NCKAP5: variants seen among roughly 807,000 people sequenced by gnomAD.
NCKAP5 encodes nck-associated protein 5.
In NCKAP5, 92 loss-of-function variants were observed where a neutral mutation model predicts 167.0. The observed-to-expected ratio is 0.55, with a 90% CI of 0.47 to 0.66. The LOEUF (loss-of-function observed/expected upper bound fraction) is 0.66. NCKAP5 is among the 30% of genes least tolerant of loss of function. The probability of loss-of-function intolerance (pLI) is 0.00; values close to 1 mark genes in which losing one functional copy is unlikely to be tolerated. For synonymous variants in NCKAP5, 891 were observed against 877.4 expected (o/e 1.02, Z -0.27); for missense variants, 2,378 against 2,315.0 (o/e 1.03, Z -0.56).
intron 4 of NCKAP5, among the ~76,000 whole-genome samples, chr2:133,250,621 T>C (rs761130917): frequency 7.2e-5 from 11 of 152,190 alleles, no homozygotes; most frequent in South Asian, 2.1e-4. Flanking sequence ...AAACAGGTTC[T>C]CTCGCAATTT....
intron 6 of NCKAP5, among the ~76,000 whole-genome samples, chr2:133,009,576 C>T (rs565408285): frequency 6.6e-6 from 1 of 152,134 alleles, no homozygotes; most frequent in South Asian, 2.1e-4. Flanking sequence ...TTCATGTATC[C>T]CCTCATCCAT....
chr2:133,520,885 A>G (rs529567992), intron 2 of NCKAP5, among the ~76,000 whole-genome samples: 3 of 152,346 alleles, frequency 2.0e-5, no homozygotes. Context: ...AATGGCAACA[A>G]GCGGTACAGT....
chr2:133,063,424 T>A (rs904508369), intron 6 of NCKAP5, among the ~76,000 whole-genome samples: 1 of 152,194 alleles, frequency 6.6e-6, no homozygotes. Context: ...CGAATCCATC[T>A]GCAGCTTCTC....
chr2:132,677,288 T>A (rs1370964370), intron 19 of NCKAP5, among the ~76,000 whole-genome samples: 2 of 152,294 alleles, frequency 1.3e-5, no homozygotes, highest in Non-Finnish European at 2.9e-5. Context: ...CAAGCTTAAA[T>A]AAATAGCTTT....
At chr2:132,995,726 A>C (rs2077577669) in intron 6 of NCKAP5, among the ~76,000 whole-genome samples, 1 of 151,226 alleles carries the variant, frequency 6.6e-6, no homozygotes, top group Admixed American at 6.6e-5. Flanking sequence ...TATAATCCCA[A>C]CATTTTGGGA....
rs1681300775 is a variant in NCKAP5, at chr2:132,764,714, C to T, written c.5128+9102G>A. Among the ~76,000 whole-genome samples the T allele has an allele frequency of 6.6e-5, 10 of 152,188 alleles. No individual in the cohort carries two copies. The South Asian group carries it at 2.1e-3, about 32-fold the overall frequency. ...AGTTATTGAGAACATTTGCACTTCC[C>T]ACCCACATTTTGTTTTGATTATCAA... On this transcript the variant is annotated intron_variant, in intron 16 of 19. Transcript: ENST00000409261.
intron 3 of NCKAP5, among the ~76,000 whole-genome samples, chr2:133,435,507 T>C (rs1559482646): frequency 6.6e-6 from 1 of 152,062 alleles, no homozygotes; most frequent in African/African-American, 2.4e-5. Context: ...GAAGCCAGTC[T>C]CTCCAGGGCT....
chr2:133,484,267 ACCAGCAGAAACC>A (rs956887019), intron 3 of NCKAP5, among the ~76,000 whole-genome samples: 4 of 152,146 alleles, frequency 2.6e-5, no homozygotes, highest in Admixed American at 1.3e-4. Context: ...ACTGGAGAGG[ACCAGCAGAAACC>A]ATCTGGTCCA....
At chr2:132,999,973 C>A (rs1012406845) in intron 6 of NCKAP5, among the ~76,000 whole-genome samples, 2 of 152,144 alleles carry the variant, frequency 1.3e-5, no homozygotes, top group African/African-American at 4.8e-5. Flanking sequence ...AAGGCTGAAC[C>A]AAATTAAATT....
At chr2:133,657,323 A>G in the NCKAP5 span, among the ~76,000 whole-genome samples, 5 of 152,308 alleles carry the variant, frequency 3.3e-5, no homozygotes, top group East Asian at 9.7e-4. Flanking sequence ...TGTGTTGGAG[A>G]GGAAGGGGAG....
intron 3 of NCKAP5, among the ~76,000 whole-genome samples, chr2:133,377,225 C>T (rs1055224109): frequency 2.6e-5 from 4 of 152,142 alleles, no homozygotes; most frequent in African/African-American, 7.2e-5. Flanking sequence ...CAAGAAGTTA[C>T]ATAATCAAAA....
intron 5 of NCKAP5, among the ~76,000 whole-genome samples, chr2:133,163,349 T>C (rs2083874800): frequency 6.6e-6 from 1 of 152,188 alleles, no homozygotes; most frequent in African/African-American, 2.4e-5. Flanking sequence ...TATCGCAGGC[T>C]CAAATCTCTG....
intron 4 of NCKAP5, among the ~76,000 whole-genome samples, chr2:133,249,094 A>ACTGCCC (rs1308820278): frequency 2.3e-4 from 35 of 151,302 alleles, no homozygotes; most frequent in African/African-American, 8.5e-4. Flanking sequence ...TACTTATGCC[A>ACTGCCC]CTGCCCCTGC....
intron 7 of NCKAP5, among the ~76,000 whole-genome samples, chr2:132,967,180 CACACACACACACACACACACAT>C (rs1035963853): frequency 1.3e-5 from 2 of 150,414 alleles, no homozygotes; most frequent in African/African-American, 5.0e-5. Flanking sequence ...CACACACACA[CACACACACACACACACACACAT>C]ACACACACAC....
At position 133,249,762 on chromosome 2, in the gene NCKAP5, T is replaced by C. The variant is rs546268571; in HGVS notation, c.144-35983A>G. On this transcript the variant is annotated intron_variant, in intron 4 of 19. Transcript: ENST00000409261. Reference sequence around the variant, plus strand: ...TTGAAACCAATAACTACAAATATAATGAGATCTACAAAGGAAGCACATACG... The same window carrying C: ...TTGAAACCAATAACTACAAATATAACGAGATCTACAAAGGAAGCACATACG... Among the ~76,000 whole-genome samples, 269 of 151,524 alleles carry C rather than the reference T, an allele frequency of 1.8e-3. 1 individual carries two copies. The highest frequency in any genetic ancestry group is 2.2e-3 in the Admixed American group (33 of 15,232).
chr2:132,742,869 G>T (rs1312905390), intron 16 of NCKAP5, among the ~76,000 whole-genome samples: 1 of 151,808 alleles, frequency 6.6e-6, no homozygotes, highest in African/African-American at 2.4e-5. Context: ...TTGACGAAGG[G>T]AAGACTGAAG....
chr2:133,419,026 G>T (rs888041164), intron 3 of NCKAP5, among the ~76,000 whole-genome samples: 2 of 152,124 alleles, frequency 1.3e-5, no homozygotes, highest in African/African-American at 4.8e-5. Flanking sequence ...AAGCAGATTT[G>T]CACTACAAGA....
intron 3 of NCKAP5, among the ~76,000 whole-genome samples, chr2:133,344,102 A>G (rs1037695576): frequency 3.9e-5 from 6 of 152,204 alleles, no homozygotes; most frequent in African/African-American, 1.4e-4. Flanking sequence ...ACCTGAATAA[A>G]GAGAAAAGAA....
chr2:133,326,458 C>CAAA (rs34750625), intron 3 of NCKAP5, among the ~76,000 whole-genome samples: 490 of 47,258 alleles, frequency 0.01, no homozygotes, highest in African/African-American at 0.012. Flanking sequence ...TCAGTCTCAA[C>CAAA]AAAAAAAAAA....
Sources: gnomAD v4.1 joint callset for allele counts (sites outside exome capture counted in the v4.1 genomes callset) on GRCh38, gnomAD v4.1.1 for gene constraint, MANE v1.5 for transcripts, NCBI Gene and HGNC (gene_info 2026-07-23, HGNC 2026-07-21) for gene names.